KCNMA1: variants seen among roughly 807,000 people sequenced by gnomAD.
KCNMA1 encodes Calcium-activated potassium channel subunit alpha-1.
A neutral mutation model predicts 140.0 loss-of-function variants in KCNMA1; 29 were observed. The observed-to-expected ratio is 0.21, with a 90% CI of 0.15 to 0.28. The LOEUF (loss-of-function observed/expected upper bound fraction) is 0.28. KCNMA1 is among the 10% of genes least tolerant of loss of function. The pLI is 1.00. For missense variants in KCNMA1, 880 were observed against 1,602.2 expected (o/e 0.55, Z 7.70); for synonymous variants, 612 against 611.9 (o/e 1.00, Z 0.00).
chr10:77,150,010 A>T (rs2098389386), intron 5 of KCNMA1: 1 of 152,346 alleles, frequency 6.6e-6, no homozygotes. Context: ...TCTCACAGAT[A>T]AGAAAAACTC....
At chr10:76,999,086 G>A (rs2085335919) in intron 19 of KCNMA1, among the ~76,000 whole-genome samples, 1 of 152,246 alleles carries the variant, frequency 6.6e-6, no homozygotes, top group African/African-American at 2.4e-5. Flanking sequence ...TTGGAGGCAA[G>A]GGAGGGACAA....
intron 6 of KCNMA1, among the ~76,000 whole-genome samples, chr10:77,116,826 T>C (rs888072588): frequency 1.3e-5 from 2 of 152,176 alleles, no homozygotes; most frequent in East Asian, 1.9e-4. Context: ...CCATTCTCTA[T>C]ACAACTGTTG....
At chr10:77,509,500 G>T (rs2047554679) in intron 1 of KCNMA1, among the ~76,000 whole-genome samples, 1 of 152,108 alleles carries the variant, frequency 6.6e-6, no homozygotes. Flanking sequence ...CATATCTTTT[G>T]GTTATATACC....
At chr10:77,145,176 G>T (rs2098265789) in intron 5 of KCNMA1, among the ~76,000 whole-genome samples, 1 of 152,108 alleles carries the variant, frequency 6.6e-6, no homozygotes, top group South Asian at 2.1e-4. Flanking sequence ...AATAAATGTG[G>T]TCCCTGGAAC....
chr10:76,943,025 C>A (rs76123481), intron 23 of KCNMA1, among the ~76,000 whole-genome samples: 1 of 152,228 alleles, frequency 6.6e-6, no homozygotes, highest in African/African-American at 2.4e-5. Context: ...GTAACTCTAA[C>A]AGCCTCCCCC....
intron 5 of KCNMA1, among the ~76,000 whole-genome samples, chr10:77,179,313 C>T (rs1196552386): frequency 2.6e-5 from 4 of 152,238 alleles, no homozygotes; most frequent in African/African-American, 2.4e-5. Context: ...CGCCAATATC[C>T]GGGGTGTTCT....
chr10:77,550,838 C>T (rs747973016), intron 1 of KCNMA1, among the ~76,000 whole-genome samples: 39 of 152,082 alleles, frequency 2.6e-4, no homozygotes, highest in Non-Finnish European at 4.1e-4. Flanking sequence ...TATACATTTC[C>T]CCCCACAACC....
chr10:77,108,160 G>T lies in KCNMA1; in HGVS notation c.1223+321C>A. The T allele has an allele frequency of 2.7e-6, 2 of 732,632 alleles. No homozygotes were observed. Among genetic ancestry groups the T allele is most frequent in the Non-Finnish European group, 4.4e-6 (2 of 459,682 alleles). The allele number at this position is 732,632 out of a possible 1,614,324, so 45.4% of individuals were successfully genotyped here. On this transcript the variant is annotated intron_variant, in intron 9 of 27. Transcript: ENST00000286628. This position sits in a 1 kb window ranked among gnomAD's most constrained non-coding sequence, Gnocchi z 4.6. ...GGTCACCTCTGACATCACACCCCAT[G>T]CAGAAACTGGGCCTTCCCTCACAGA...
chr10:77,064,849 T>A (rs1051634298), intron 14 of KCNMA1, among the ~76,000 whole-genome samples: 3 of 152,230 alleles, frequency 2.0e-5, no homozygotes, highest in Non-Finnish European at 4.4e-5. Context: ...ACACACTGAC[T>A]GGATTTTCTG....
At chr10:76,995,329 G>C (rs2083926844) in intron 19 of KCNMA1, 1 of 243,264 alleles carries the variant, frequency 4.1e-6, no homozygotes, top group Admixed American at 5.0e-5. Flanking sequence ...TTGTTAATAA[G>C]TTATGTCTCC....
intron 5 of KCNMA1, among the ~76,000 whole-genome samples, chr10:77,129,044 C>G (rs1000709966): frequency 6.6e-6 from 1 of 152,212 alleles, no homozygotes; most frequent in African/African-American, 2.4e-5. Flanking sequence ...GCCTGCTTCC[C>G]ACCAGATTCA....
At chr10:77,348,615 AAAG>A (rs949212585) in intron 2 of KCNMA1, among the ~76,000 whole-genome samples, 2 of 152,234 alleles carry the variant, frequency 1.3e-5, no homozygotes, top group African/African-American at 2.4e-5. Flanking sequence ...ATCCGTCTTG[AAAG>A]AAGAAGCTTT....
At chr10:77,038,100 A>G (rs2094450075) in intron 15 of KCNMA1, among the ~76,000 whole-genome samples, 1 of 152,164 alleles carries the variant, frequency 6.6e-6, no homozygotes, top group Non-Finnish European at 1.5e-5. Flanking sequence ...CAGCCAAACC[A>G]TTTTGGATTG....
At chr10:77,008,883 G>A (rs2089976670) in intron 18 of KCNMA1, among the ~76,000 whole-genome samples, 1 of 152,256 alleles carries the variant, frequency 6.6e-6, no homozygotes, top group East Asian at 1.9e-4. Flanking sequence ...AATAATCCTA[G>A]TTTCTTCTAA....
At chr10:77,130,939 A>G (rs959076715) in intron 5 of KCNMA1, among the ~76,000 whole-genome samples, 12 of 152,296 alleles carry the variant, frequency 7.9e-5, no homozygotes, top group African/African-American at 2.4e-4. Context: ...TTTGGTCAAT[A>G]CATAAAGACT....
intron 2 of KCNMA1, among the ~76,000 whole-genome samples, chr10:77,311,081 C>T (rs970288200): frequency 2.6e-5 from 4 of 152,180 alleles, no homozygotes; most frequent in African/African-American, 9.7e-5. Context: ...CAAAGTCTGT[C>T]CAAGGCTGAT....
At position 76,920,018 on chromosome 10, in the gene KCNMA1, GTGTATATA is replaced by G. The variant is rs1279005040; in HGVS notation, c.2903-4977_2903-4970del. Reference sequence around the variant, plus strand: ...TGTGTGTGTGTGTGTGTGTGTGTGTGTGTATATATATATATATATATATATATATATAT... The same window carrying G: ...TGTGTGTGTGTGTGTGTGTGTGTGTGTATATATATATATATATATATATAT... On this transcript the variant is annotated intron_variant, in intron 23 of 27. Transcript: ENST00000286628. 7.6e-3 allele frequency among the ~76,000 whole-genome samples: 329 copies of G among 43,554 alleles called. 2 individuals carry two copies. Among genetic ancestry groups the G allele is most frequent in the African/African-American group, 0.032 (299 of 9,488 alleles). The allele number at this position is 43,554 out of a possible 152,430, so 28.6% of individuals were successfully genotyped here. A position where few individuals can be genotyped will look rare whatever the true frequency, so the allele number is the denominator to read the frequency against.
intron 21 of KCNMA1, among the ~76,000 whole-genome samples, chr10:76,953,423 C>T (rs1232324178): frequency 2.0e-5 from 3 of 152,092 alleles, no homozygotes; most frequent in Non-Finnish European, 4.4e-5. Flanking sequence ...CATCTTTTTA[C>T]AGATAAGAAA....
At chr10:76,913,992 T>C in intron 24 of KCNMA1, 1 of 1,217,462 alleles carries the variant, frequency 8.2e-7, no homozygotes, top group Non-Finnish European at 1.2e-6. Context: ...AAGCTGATGA[T>C]AGTTGGAAAC....
Sources: gnomAD v4.1 joint callset for allele counts (sites outside exome capture counted in the v4.1 genomes callset) on GRCh38, gnomAD v4.1.1 for gene constraint, Gnocchi (gnomAD v3.1) non-coding constraint, MANE v1.5 for transcripts, NCBI Gene and HGNC (gene_info 2026-07-23, HGNC 2026-07-21) for gene names.